The following PTK6 variants were observed in gnomAD, a reference collection of about 807,000 sequenced individuals.
PTK6 encodes the protein protein tyrosine kinase 6.
A neutral mutation model predicts 47.5 loss-of-function variants in PTK6; 47 were observed. The ratio of observed to expected loss-of-function variants is 0.99; its 90% CI spans 0.78 to 1.26. The LOEUF is 1.26. Ranked by LOEUF, PTK6 falls within the 50% of genes most tolerant of loss-of-function variation. PTK6 has a pLI of 0.00. For missense variants in PTK6, 618 were observed against 625.3 expected (o/e 0.99, Z 0.12); for synonymous variants, 287 against 276.5 (o/e 1.04, Z -0.38).
Position 63,529,998 on chromosome 20 carries a change from C to A in PTK6, c.1168+80G>T. 2.0e-6 allele frequency: 3 copies of A among 1,509,042 alleles called. No individual in the cohort carries two copies. The highest frequency in any genetic ancestry group is 2.3e-5 in the East Asian group (1 of 43,262). 93.5% of individuals were successfully genotyped at this position (1,509,042 alleles called of 1,614,324 possible). A position where few individuals can be genotyped will look rare whatever the true frequency, so the allele number is the denominator to read the frequency against. The stretch of plus-strand genomic sequence containing the variant: ...GGCCCTGAAGCCCGTGGGGGAGGCA[C>A]CCCCCAGCGTCCCTGCCGGCTACCC... On this transcript the variant is annotated intron_variant, in intron 7 of 7. Coordinates refer to ENST00000542869, the MANE Select transcript of PTK6 (RefSeq NM_005975.4). This position sits in a 1 kb window ranked among gnomAD's most constrained non-coding sequence, Gnocchi z 5.6.
intron 1 of PTK6, among the ~76,000 whole-genome samples, chr20:63,535,461 G>A (rs899458608): frequency 7.1e-6 from 1 of 141,506 alleles, no homozygotes; most frequent in Non-Finnish European, 1.5e-5. Flanking sequence ...CCGCACACCT[G>A]AACACACACG....
Position 63,529,939 on chromosome 20 carries a change from T to C in PTK6, c.1168+139A>G. 8.4e-7 allele frequency: 1 copy of C among 1,188,052 alleles called. No individual in the cohort carries two copies. Among genetic ancestry groups the C allele is most frequent in the Non-Finnish European group, 1.2e-6 (1 of 858,864 alleles). 73.6% of individuals were successfully genotyped at this position (1,188,052 alleles called of 1,614,324 possible). On this transcript the variant is annotated intron_variant, in intron 7 of 7. Coordinates refer to ENST00000542869, the MANE Select transcript of PTK6 (RefSeq NM_005975.4). The surrounding 1 kb of genome is among the most constrained non-coding windows in gnomAD (Gnocchi z 5.6). ...ACCAGCCTGGGTGCTCAGAGAATGGTGCAGGTGTGGAGTTCAGGCGATGGC... is the reference window on the plus strand; with the variant it reads ...ACCAGCCTGGGTGCTCAGAGAATGGCGCAGGTGTGGAGTTCAGGCGATGGC...
chr20:63,532,539 C>T lies in PTK6; in HGVS notation c.819G>A (p.Leu273=), dbSNP rs1165550959. The change falls in exon 5 of 8, where the codon CTG becomes CTA. Residue 273 remains leucine (L), a synonymous_variant. Transcript: ENST00000542869. ...ITELMAKGSL[L]ELLRDSDEKV... is the part of the protein sequence containing the mutation. The stretch of plus-strand genomic sequence containing the variant: ...CATGCCACTCACCGCGGAGCAGCTC[C>T]AGCAGGCTGCCCTTGGCCATGAGCT... The T allele has an allele frequency of 6.2e-7, 1 of 1,611,806 alleles. No individual in the cohort carries two copies.
In PTK6 at chr20:63,530,585, C is replaced by T. The variant is rs1270708601; in HGVS notation, c.1014+161G>A. ...GTGCCATTCAGAATGGGGGCCCCACCGGACTCACGGTGGCTTCCCACCTCC... is the reference window on the plus strand; with the variant it reads ...GTGCCATTCAGAATGGGGGCCCCACTGGACTCACGGTGGCTTCCCACCTCC... On this transcript the variant is annotated intron_variant, in intron 6 of 7. Transcript: ENST00000542869. This position sits in a 1 kb window ranked among gnomAD's most constrained non-coding sequence, Gnocchi z 4.1. 6.6e-6 allele frequency among the ~76,000 whole-genome samples: 1 copy of T among 152,134 alleles called. No individual in the cohort carries two copies. Among genetic ancestry groups the T allele is most frequent in the Non-Finnish European group, 1.5e-5 (1 of 68,006 alleles).
Position 63,535,319 on chromosome 20 carries a change from G to A in PTK6, c.231-260C>T, listed in dbSNP as rs118092432. ...CTGCCCTGAGTGGCCCGAGTCTAGGGGTCAGAGCCTAGGGTGGAGCTGGGG... is the reference window on the plus strand; with the variant it reads ...CTGCCCTGAGTGGCCCGAGTCTAGGAGTCAGAGCCTAGGGTGGAGCTGGGG... On this transcript the variant is annotated intron_variant, in intron 1 of 7. Transcript: ENST00000542869. Among the ~76,000 whole-genome samples, 13 of 152,280 alleles carry A rather than the reference G, an allele frequency of 8.5e-5. No homozygotes were observed. In the East Asian group the frequency reaches 1.5e-3, roughly 18 times the overall value.
At chr20:63,534,756 G>A in intron 2 of PTK6, 182 bp downstream of exon 2, 1 of 963,422 alleles carries the variant, frequency 1.0e-6, no homozygotes, top group Non-Finnish European at 1.5e-6. Flanking sequence ...GACTACCCTA[G>A]CAGCCAGTGA....
Position 63,530,346 on chromosome 20 carries a change from G to T in PTK6, c.1015-115C>A. The T allele has an allele frequency of 1.5e-6, 2 of 1,371,338 alleles. No individual in the cohort carries two copies. The highest frequency in any genetic ancestry group is 2.6e-5 in the South Asian group (2 of 75,584). The allele number at this position is 1,371,338 out of a possible 1,614,324, so 84.9% of individuals were successfully genotyped here. On this transcript the variant is annotated intron_variant, in intron 6 of 7. Coordinates refer to ENST00000542869, the MANE Select transcript of PTK6 (RefSeq NM_005975.4). The surrounding 1 kb of genome is among the most constrained non-coding windows in gnomAD (Gnocchi z 4.1). ...GCAGTGGGACGGTGATGACCCCACT[G>T]TCTGACCCACGCACGGCCGCTGCAG... is the stretch of plus-strand genomic sequence containing the variant.
intron 2 of PTK6, 37 bp downstream of exon 2, chr20:63,534,901 C>T (rs775395566): frequency 4.5e-6 from 7 of 1,567,082 alleles, no homozygotes; most frequent in Non-Finnish European, 6.1e-6. Context: ...CCAGGAGCCC[C>T]CGCAGGCAAG....
In PTK6 at chr20:63,528,750, C is replaced by G. The variant is rs1200498499; in HGVS notation, c.*786G>C. On this transcript the variant is annotated 3_prime_UTR_variant, in exon 8 of 8. Coordinates refer to ENST00000542869, the MANE Select transcript of PTK6 (RefSeq NM_005975.4). ...AAACCAAAAAAACTTTCAGGTGAGT[C>G]AAAACCAAAACCAATAAGCTTTTTA... 1.3e-5 allele frequency: 2 copies of G among 152,146 alleles called. No individual in the cohort carries two copies. The highest frequency in any genetic ancestry group is 4.8e-5 in the African/African-American group (2 of 41,422). The allele number at this position is 152,146 out of a possible 1,614,324, so 9.4% of individuals were successfully genotyped here.
In PTK6 at chr20:63,534,836, C is replaced by T. The variant is rs370462257; in HGVS notation, c.352+102G>A. ...GAGCTCCCTGGAGAGGAGCCCATGT[C>T]CCCCGTCTCAGCCAGAGCGAGCCGG... On this transcript the variant is annotated intron_variant, in intron 2 of 7. Coordinates refer to ENST00000542869, the MANE Select transcript of PTK6 (RefSeq NM_005975.4). 2,009 of 1,432,618 alleles carry T rather than the reference C, an allele frequency of 1.4e-3. 17 individuals are homozygous for T. Among genetic ancestry groups the T allele is most frequent in the South Asian group, 0.012 (863 of 72,164 alleles). The allele number at this position is 1,432,618 out of a possible 1,614,324, so 88.7% of individuals were successfully genotyped here.
At position 63,533,419 on chromosome 20, in the gene PTK6, A is replaced by G. The variant is rs1270046593; in HGVS notation, c.670+132T>C. 2.7e-6 allele frequency: 3 copies of G among 1,107,248 alleles called. No individual in the cohort carries two copies. Among genetic ancestry groups the G allele is most frequent in the African/African-American group, 3.2e-5 (2 of 61,786 alleles). The allele number at this position is 1,107,248 out of a possible 1,614,324, so 68.6% of individuals were successfully genotyped here. ...TAGGTAAAAACATAGGTGCAATTGA[A>G]AGGGAACCACTCTCGCATGGACGCT... On this transcript the variant is annotated intron_variant, in intron 4 of 7. Coordinates refer to ENST00000542869, the MANE Select transcript of PTK6 (RefSeq NM_005975.4). This position sits in a 1 kb window ranked among gnomAD's most constrained non-coding sequence, Gnocchi z 4.0.
In PTK6 at chr20:63,534,166, C is replaced by T. The variant is rs750184076; in HGVS notation, c.502G>A (p.Ala168Thr). ...QSLSHGLRLA[A>T]PCRKHEPEPL... ...GGAGCGGCTACCTTCCGGCAGGGCG[C>T]GGCCAGCCGCAGGCCGTGGGACAGG... The change falls in exon 3 of 8, where the codon GCG becomes ACG. Residue 168 changes from alanine to threonine, a missense_variant. By Grantham distance (58) the Ala-to-Thr change is moderately conservative. Transcript: ENST00000542869. The T allele has an allele frequency of 3.7e-5, 58 of 1,553,468 alleles. No homozygotes were observed. The highest frequency in any genetic ancestry group is 2.1e-4 in the South Asian group (18 of 84,400).
At chr20:63,534,876 T>A in intron 2 of PTK6, 62 bp downstream of exon 2, 1 of 1,530,004 alleles carries the variant, frequency 6.5e-7, no homozygotes, top group East Asian at 2.4e-5. Context: ...ACCACGTGGC[T>A]GGGAGGGCTT....
chr20:63,531,047 G>C (rs371450328), intron 5 of PTK6, 120 bp from the exon 6 acceptor site: 1 of 926,812 alleles, frequency 1.1e-6, no homozygotes, highest in Non-Finnish European at 1.5e-6. Flanking sequence ...AGGAGGGGCC[G>C]GGGCAAAGGG....
intron 1 of PTK6, among the ~76,000 whole-genome samples, chr20:63,536,180 C>G (rs535532241): frequency 4.2e-5 from 2 of 47,870 alleles, no homozygotes; most frequent in East Asian, 1.0e-3. Flanking sequence ...CCTCCCACCC[C>G]CTCCTCACCT....
intron 5 of PTK6, among the ~76,000 whole-genome samples, chr20:63,531,360 GC>G (rs1274573649): frequency 6.9e-6 from 1 of 144,982 alleles, no homozygotes. Context: ...GGCGGAGCTT[GC>G]AGTGAGCCGA....
In PTK6 at chr20:63,533,434, G is replaced by T. The variant is rs111495314; in HGVS notation, c.670+117C>A. On this transcript the variant is annotated intron_variant, in intron 4 of 7. Coordinates refer to ENST00000542869, the MANE Select transcript of PTK6 (RefSeq NM_005975.4). This position sits in a 1 kb window ranked among gnomAD's most constrained non-coding sequence, Gnocchi z 4.0. ...GTGCAATTGAAAGGGAACCACTCTC[G>T]CATGGACGCTGTGGGTGCTGCTTGG... 23 of 1,255,436 alleles carry T rather than the reference G, an allele frequency of 1.8e-5. No individual in the cohort carries two copies. Among genetic ancestry groups the T allele is most frequent in the East Asian group, 2.6e-5 (1 of 38,728 alleles). 77.8% of individuals were successfully genotyped at this position (1,255,436 alleles called of 1,614,324 possible). A position where few individuals can be genotyped will look rare whatever the true frequency, so the allele number is the denominator to read the frequency against.
intron 4 of PTK6, 145 bp from the exon 5 acceptor site, chr20:63,532,832 C>G (rs2082635865): frequency 2.5e-6 from 3 of 1,184,772 alleles, no homozygotes; most frequent in Non-Finnish European, 3.4e-6. Flanking sequence ...GACAGGGCAC[C>G]TGGCTCCCGA....
At position 63,535,463 on chromosome 20, in the gene PTK6, ACACACACGCGCATGTGTGCTCACTTGCC is replaced by A. The variant is rs1169798076; in HGVS notation, c.231-432_231-405del. Reference sequence around the variant, plus strand: ...GCGCACAGTTCACCCGCACACCTGAACACACACGCGCATGTGTGCTCACTTGCCCACACGCTCACACGCACGCACACAC... The same window carrying A: ...GCGCACAGTTCACCCGCACACCTGAACACACGCTCACACGCACGCACACAC... On this transcript the variant is annotated intron_variant, in intron 1 of 7. Coordinates refer to ENST00000542869, the MANE Select transcript of PTK6 (RefSeq NM_005975.4). Among the ~76,000 whole-genome samples the A allele has an allele frequency of 8.4e-5, 10 of 118,568 alleles. No homozygotes were observed. In the African/African-American group the frequency reaches 9.0e-4, roughly 11 times the overall value. The allele number at this position is 118,568 out of a possible 152,430, so 77.8% of individuals were successfully genotyped here.
Sources: gnomAD v4.1 joint callset for allele counts (sites outside exome capture counted in the v4.1 genomes callset) on GRCh38, gnomAD v4.1.1 for gene constraint, Gnocchi (gnomAD v3.1) non-coding constraint, MANE v1.5 for transcripts, NCBI Gene and HGNC (gene_info 2026-07-23, HGNC 2026-07-21) for gene names.